Variants in NUBPL observed in about 807,000 individuals in gnomAD.
NUBPL encodes the protein NUBP iron-sulfur cluster assembly factor, mitochondrial.
NUBPL carries 31 observed loss-of-function variants against 45.7 expected under a neutral mutation model. That is an observed-to-expected ratio of 0.68 (90% confidence interval 0.51 to 0.92). The LOEUF is 0.92. NUBPL is among the 40% of genes least tolerant of loss of function. NUBPL has a pLI of 0.00. For synonymous variants in NUBPL, 144 were observed against 140.9 expected (o/e 1.02, Z -0.15); for missense variants, 401 against 398.7 (o/e 1.01, Z -0.05).
At chr14:31,586,345 G>A (rs1235173751) in intron 3 of NUBPL, among the ~76,000 whole-genome samples, 2 of 152,294 alleles carry the variant, frequency 1.3e-5, no homozygotes, top group African/African-American at 4.8e-5. Context: ...ATTAATTCCA[G>A]TCGTTCAAAG....
At chr14:31,800,153 T>A (rs1360187721) in intron 7 of NUBPL, among the ~76,000 whole-genome samples, 1 of 152,200 alleles carries the variant, frequency 6.6e-6, no homozygotes, top group African/African-American at 2.4e-5. Context: ...AGATCCCACT[T>A]CTAATTCTAA....
At chr14:31,614,875 G>T (rs568103700) in intron 4 of NUBPL, among the ~76,000 whole-genome samples, 3 of 152,342 alleles carry the variant, frequency 2.0e-5, no homozygotes, top group Non-Finnish European at 4.4e-5. Context: ...TAAACCTAGA[G>T]ATGGTAACTA....
In NUBPL at chr14:31,602,338, A is replaced by G. The variant is rs190409512; in HGVS notation, c.382+2959A>G. Among the ~76,000 whole-genome samples, 756 of 151,490 alleles carry G rather than the reference A, an allele frequency of 5.0e-3. 9 individuals are homozygous for G. The highest frequency in any genetic ancestry group is 0.017 in the African/African-American group (712 of 41,164). ...ACACCAGCATGGCACATGTATACAT[A>G]TGTAACTAACCTGCACATTGTGCAC... On this transcript the variant is annotated intron_variant, in intron 4 of 10. Transcript: ENST00000281081.
At chr14:31,791,461 A>T (rs1426434456) in intron 7 of NUBPL, among the ~76,000 whole-genome samples, 1 of 152,112 alleles carries the variant, frequency 6.6e-6, no homozygotes, top group East Asian at 1.9e-4. Context: ...TGACTTTCAA[A>T]GTTTTTATGA....
chr14:31,653,674 G>A (rs561391395), intron 4 of NUBPL, among the ~76,000 whole-genome samples: 37 of 152,120 alleles, frequency 2.4e-4, no homozygotes, highest in Non-Finnish European at 5.1e-4. Context: ...TACAATAGTG[G>A]TCCTGAGGTG....
At chr14:31,780,411 A>G (rs2039172284) in intron 6 of NUBPL, among the ~76,000 whole-genome samples, 1 of 152,146 alleles carries the variant, frequency 6.6e-6, no homozygotes, top group Admixed American at 6.5e-5. Flanking sequence ...CATAAAAATA[A>G]GAATACTCAT....
At chr14:31,605,802 C>CTT (rs2034573267) in intron 4 of NUBPL, among the ~76,000 whole-genome samples, 1 of 148,340 alleles carries the variant, frequency 6.7e-6, no homozygotes, top group Non-Finnish European at 1.5e-5. Flanking sequence ...CCTCCTCCTC[C>CTT]TCTTCCTCCT....
chr14:31,650,735 G>A (rs2035981130), intron 4 of NUBPL, among the ~76,000 whole-genome samples: 2 of 152,160 alleles, frequency 1.3e-5, no homozygotes, highest in Admixed American at 1.3e-4. Context: ...AGTTGCTATA[G>A]AAGAATTCCT....
intron 4 of NUBPL, among the ~76,000 whole-genome samples, chr14:31,617,425 C>G (rs2034936199): frequency 6.6e-6 from 1 of 152,176 alleles, no homozygotes; most frequent in Non-Finnish European, 1.5e-5. Flanking sequence ...TCATAAATAG[C>G]TCTTATTATT....
At chr14:31,798,241 G>T (rs376406480) in intron 7 of NUBPL, among the ~76,000 whole-genome samples, 3 of 150,188 alleles carry the variant, frequency 2.0e-5, no homozygotes, top group African/African-American at 7.3e-5. Flanking sequence ...TCAAGGAAAC[G>T]TGCATTTTAT....
At chr14:31,793,761 T>A (rs2039425780) in intron 7 of NUBPL, among the ~76,000 whole-genome samples, 1 of 151,874 alleles carries the variant, frequency 6.6e-6, no homozygotes, top group Non-Finnish European at 1.5e-5. Context: ...ATTAACTGAG[T>A]CAATGACAAA....
At chr14:31,615,648 A>G (rs748492877) in intron 4 of NUBPL, among the ~76,000 whole-genome samples, 6 of 152,196 alleles carry the variant, frequency 3.9e-5, no homozygotes, top group Non-Finnish European at 7.3e-5. Context: ...ATGGCTGCAT[A>G]ATATTTCATG....
intron 4 of NUBPL, among the ~76,000 whole-genome samples, chr14:31,639,232 C>G (rs2035605277): frequency 6.6e-6 from 1 of 152,076 alleles, no homozygotes; most frequent in African/African-American, 2.4e-5. Flanking sequence ...TACTTTTGGT[C>G]TTTGATGATG....
chr14:31,587,584 CT>C (rs2034026667), intron 3 of NUBPL, among the ~76,000 whole-genome samples: 1 of 152,112 alleles, frequency 6.6e-6, no homozygotes, highest in African/African-American at 2.4e-5. Flanking sequence ...TAAATTGCTT[CT>C]ATTGTTGCTT....
At chr14:31,610,625 A>AAAAAAAAAAAAAAAAAAAC (rs1388975758) in intron 4 of NUBPL, among the ~76,000 whole-genome samples, 1 of 150,322 alleles carries the variant, frequency 6.7e-6, no homozygotes, top group Non-Finnish European at 1.5e-5. Context: ...AAAAAAAAAA[A>AAAAAAAAAAAAAAAAAAAC]AAAAAGAAAG....
chr14:31,616,789 G>GT (rs2034913586), intron 4 of NUBPL, among the ~76,000 whole-genome samples: 1 of 151,996 alleles, frequency 6.6e-6, no homozygotes, highest in Non-Finnish European at 1.5e-5. Context: ...TGTAAAGTAG[G>GT]TTTTTTCTAA....
At chr14:31,729,808 A>G (rs547024844) in intron 6 of NUBPL, among the ~76,000 whole-genome samples, 2 of 152,228 alleles carry the variant, frequency 1.3e-5, no homozygotes, top group East Asian at 1.9e-4. Flanking sequence ...TAAGTAGGTG[A>G]TGTTCTCTTT....
At chr14:31,572,734 A>C (rs1194810116) in intron 3 of NUBPL, among the ~76,000 whole-genome samples, 1 of 152,128 alleles carries the variant, frequency 6.6e-6, no homozygotes, top group African/African-American at 2.4e-5. Context: ...CCTTCTCAGA[A>C]ATGCATCATT....
chr14:31,784,663 G>T (rs74043623), intron 6 of NUBPL, among the ~76,000 whole-genome samples: 7,699 of 151,936 alleles, frequency 0.051, 252 homozygotes, highest in African/African-American at 0.077. Context: ...GGAGGTCATG[G>T]GTAGTCTCGG....
Sources: gnomAD v4.1 joint callset for allele counts (sites outside exome capture counted in the v4.1 genomes callset) on GRCh38, gnomAD v4.1.1 for gene constraint, MANE v1.5 for transcripts, NCBI Gene and HGNC (gene_info 2026-07-23, HGNC 2026-07-21) for gene names.